The following ZC3H3 variants were observed in gnomAD, a reference collection of about 807,000 sequenced individuals.
ZC3H3 encodes the protein zinc finger CCCH-type containing 3.
In ZC3H3, 36 loss-of-function variants were observed where a neutral mutation model predicts 77.3. That is an observed-to-expected ratio of 0.47 (90% confidence interval 0.36 to 0.61). The LOEUF (loss-of-function observed/expected upper bound fraction) is 0.61, where lower values mean the gene tolerates loss of function less well. Ranked by LOEUF, ZC3H3 falls within the 20% of genes least tolerant of loss-of-function variation. The probability of loss-of-function intolerance (pLI) is 0.00; values close to 1 mark genes in which losing one functional copy is unlikely to be tolerated. For synonymous variants in ZC3H3, 626 were observed against 555.2 expected (o/e 1.13, Z -1.79); for missense variants, 1,331 against 1,312.2 (o/e 1.01, Z -0.22).
intron 4 of ZC3H3, among the ~76,000 whole-genome samples, chr8:143,501,583 C>T (rs1171680148): frequency 3.3e-5 from 5 of 150,136 alleles, no homozygotes; most frequent in African/African-American, 9.8e-5. Flanking sequence ...GGCCACGGGG[C>T]GCTGGTTTTA....
intron 9 of ZC3H3, among the ~76,000 whole-genome samples, chr8:143,465,215 CT>C (rs1429722897): frequency 1.3e-5 from 2 of 152,164 alleles, no homozygotes; most frequent in African/African-American, 4.8e-5. Context: ...TCACTCCACC[CT>C]TGCCAGCCAC....
intron 4 of ZC3H3, among the ~76,000 whole-genome samples, chr8:143,499,273 G>T (rs1172358391): frequency 6.6e-6 from 1 of 152,098 alleles, no homozygotes; most frequent in Admixed American, 6.5e-5. Flanking sequence ...GAGGGATGAG[G>T]GGGCCTGGAG....
intron 4 of ZC3H3, among the ~76,000 whole-genome samples, chr8:143,485,311 C>T (rs765458826): frequency 8.5e-5 from 13 of 152,302 alleles, no homozygotes; most frequent in East Asian, 3.9e-4. Flanking sequence ...GCCGAGAACC[C>T]GGTCCAGTGT....
At chr8:143,440,720 T>A (rs1187564326) in intron 10 of ZC3H3, among the ~76,000 whole-genome samples, 18 of 152,184 alleles carry the variant, frequency 1.2e-4, no homozygotes, top group Non-Finnish European at 2.4e-4. Context: ...CCTTCCTCCA[T>A]TGGCCAGGGA....
At chr8:143,535,093 G>A (rs886892733) in intron 3 of ZC3H3, among the ~76,000 whole-genome samples, 1 of 151,992 alleles carries the variant, frequency 6.6e-6, no homozygotes, top group East Asian at 1.9e-4. Context: ...CGCCCAGACT[G>A]GAATGCAATG....
intron 3 of ZC3H3, among the ~76,000 whole-genome samples, chr8:143,514,634 C>T (rs1821975382): frequency 6.6e-6 from 1 of 152,212 alleles, no homozygotes; most frequent in Non-Finnish European, 1.5e-5. Flanking sequence ...AACCTGTACC[C>T]TGCTCTCGCG....
intron 8 of ZC3H3, among the ~76,000 whole-genome samples, chr8:143,467,805 AGC>A (rs1391375677): frequency 6.0e-4 from 1 of 1,654 alleles, no homozygotes; most frequent in East Asian, 0.014. Flanking sequence ...CTCTCCACCC[AGC>A]CCCCTCACAT....
intron 2 of ZC3H3, among the ~76,000 whole-genome samples, chr8:143,536,933 C>G (rs1822818805): frequency 6.6e-6 from 1 of 151,652 alleles, no homozygotes; most frequent in African/African-American, 2.4e-5. Flanking sequence ...TGGTTTAGAG[C>G]AGAGTTGCCA....
chr8:143,502,305 G>A (rs779192391), intron 4 of ZC3H3, among the ~76,000 whole-genome samples: 15 of 152,384 alleles, frequency 9.8e-5, no homozygotes, highest in Middle Eastern at 3.4e-3. Context: ...GGTGGCTGGC[G>A]TCCCAGGAGG....
chr8:143,449,687 G>C (rs570375432), intron 9 of ZC3H3, among the ~76,000 whole-genome samples: 4 of 152,278 alleles, frequency 2.6e-5, no homozygotes, highest in Admixed American at 2.6e-4. Flanking sequence ...GCAGTGAGCT[G>C]AGATTGCGCC....
chr8:143,489,418 T>C (rs953754405), intron 4 of ZC3H3, among the ~76,000 whole-genome samples: 1 of 152,134 alleles, frequency 6.6e-6, no homozygotes, highest in Non-Finnish European at 1.5e-5. Context: ...CAGCCAACCT[T>C]TGGGGGGATG....
intron 4 of ZC3H3, among the ~76,000 whole-genome samples, chr8:143,503,342 G>A (rs1198873530): frequency 1.3e-5 from 2 of 152,062 alleles, no homozygotes; most frequent in Non-Finnish European, 2.9e-5. Flanking sequence ...TGTCTGGCGT[G>A]TGCCTCAATG....
In ZC3H3 at chr8:143,538,507, G is replaced by A. The variant is rs1325483491; in HGVS notation, c.860C>T (p.Ser287Leu). The change falls in exon 2 of 12, where the codon TCA (serine) becomes TTA (leucine). Residue 287 changes from serine (S) to leucine (L), a missense_variant. Ser to Leu is a moderately radical substitution (Grantham distance 145). Around this residue, in one of 3 missense-constraint regions of ZC3H3, gnomAD observed 978 missense variants for 915.5 expected, o/e 1.07. Transcript: ENST00000262577. ...GSVGGPARPA[S>L]GPRQAREASL... Reference sequence around the variant, plus strand: ...GGCCTCCCGGGCCTGCCTGGGTCCTGAGGCCGGTCTGGCGGGGCCCCCCAC... The same window carrying A: ...GGCCTCCCGGGCCTGCCTGGGTCCTAAGGCCGGTCTGGCGGGGCCCCCCAC... 4.3e-6 allele frequency: 7 copies of A among 1,612,676 alleles called. No homozygotes were observed. Among genetic ancestry groups the A allele is most frequent in the Non-Finnish European group, 5.9e-6 (7 of 1,180,032 alleles).
intron 9 of ZC3H3, among the ~76,000 whole-genome samples, chr8:143,463,012 T>C (rs1291001093): frequency 6.9e-6 from 1 of 145,690 alleles, no homozygotes; most frequent in African/African-American, 2.6e-5. Context: ...AGACAGAGTC[T>C]CACTCTTGTC....
intron 4 of ZC3H3, among the ~76,000 whole-genome samples, chr8:143,499,932 C>A (rs903282060): frequency 6.6e-6 from 1 of 152,220 alleles, no homozygotes; most frequent in African/African-American, 2.4e-5. Flanking sequence ...TCTCAGCTGG[C>A]CTGCTCCTCA....
At chr8:143,507,493 A>T (rs1230457713) in intron 4 of ZC3H3, among the ~76,000 whole-genome samples, 1 of 152,284 alleles carries the variant, frequency 6.6e-6, no homozygotes, top group African/African-American at 2.4e-5. Flanking sequence ...TGAGAACAGC[A>T]GAGCATGTGT....
chr8:143,461,548 T>C (rs1820262165), intron 9 of ZC3H3, among the ~76,000 whole-genome samples: 1 of 152,102 alleles, frequency 6.6e-6, no homozygotes, highest in African/African-American at 2.4e-5. Context: ...ACACAAAGGC[T>C]GGAGCGCGGA....
Position 143,494,022 on chromosome 8 carries a change from CATAAA to C in ZC3H3, c.1715+13719_1715+13723del, listed in dbSNP as rs1418976173. ...TTGGGGAGCCGTAACCGCCTGTTCC[CATAAA>C]ATAAAACTCTAAAAAACCTGCCGGA... is the stretch of plus-strand genomic sequence containing the variant. On this transcript the variant is annotated intron_variant, in intron 4 of 11. Coordinates refer to ENST00000262577, the MANE Select transcript of ZC3H3 (RefSeq NM_015117.3). This position sits in a 1 kb window ranked among gnomAD's most constrained non-coding sequence, Gnocchi z 5.3. 2.0e-5 allele frequency among the ~76,000 whole-genome samples: 3 copies of C among 152,192 alleles called. No homozygotes were observed. Among genetic ancestry groups the C allele is most frequent in the Non-Finnish European group, 2.9e-5 (2 of 68,032 alleles).
intron 11 of ZC3H3, 72 bp from the exon 12 acceptor site, chr8:143,438,159 A>AC: frequency 6.4e-7 from 1 of 1,558,308 alleles, no homozygotes; most frequent in Non-Finnish European, 8.7e-7. Flanking sequence ...AAAGCTCCTG[A>AC]TCGGGCTCAG....
Sources: gnomAD v4.1 joint callset for allele counts (sites outside exome capture counted in the v4.1 genomes callset) on GRCh38, gnomAD v4.1.1 for gene constraint, gnomAD v4.1.1 regional missense constraint, Gnocchi (gnomAD v3.1) non-coding constraint, MANE v1.5 for transcripts, NCBI Gene and HGNC (gene_info 2026-07-23, HGNC 2026-07-21) for gene names.